Variants in CPNE2 observed in about 807,000 individuals in gnomAD.
CPNE2 encodes copine-2.
Under a neutral mutation model 69.7 loss-of-function variants are expected in CPNE2, and 42 were observed. The ratio of observed to expected loss-of-function variants is 0.60; its 90% CI spans 0.47 to 0.78. The LOEUF (loss-of-function observed/expected upper bound fraction) is 0.78. CPNE2 is among the 30% of genes least tolerant of loss of function. CPNE2 has a pLI of 0.00. For synonymous variants in CPNE2, 294 were observed against 289.8 expected, an observed-to-expected ratio of 1.01 and a Z score of -0.15; for missense variants, 587 against 732.0, an observed-to-expected ratio of 0.80 and a Z score of 2.29.
intron 1 of CPNE2, among the ~76,000 whole-genome samples, chr16:57,093,132 C>G (rs920635639): frequency 2.4e-4 from 36 of 152,072 alleles, no homozygotes; most frequent in African/African-American, 6.0e-4. Flanking sequence ...GGTGGAGACC[C>G]GCCGCTGCCG....
intron 4 of CPNE2, among the ~76,000 whole-genome samples, chr16:57,116,330 C>T (rs571915477): frequency 7.2e-5 from 11 of 152,240 alleles, no homozygotes; most frequent in African/African-American, 2.2e-4. Flanking sequence ...TCTGTTCCTG[C>T]CCCCACGGAT....
chr16:57,137,116 A>G (rs1199589597), intron 13 of CPNE2, 33 bp from the exon 14 acceptor site: 1 of 1,609,562 alleles, frequency 6.2e-7, no homozygotes, highest in African/African-American at 1.3e-5. Context: ...GGTCAGGGAG[A>G]CCTGGCTGAT....
At chr16:57,099,463 A>C (rs1303799125) in intron 1 of CPNE2, among the ~76,000 whole-genome samples, 1 of 150,268 alleles carries the variant, frequency 6.7e-6, no homozygotes, top group Non-Finnish European at 1.5e-5. Context: ...TTGGGCACTA[A>C]TGTTTCTCCT....
intron 12 of CPNE2, chr16:57,128,999 G>A (rs575057816): frequency 6.6e-6 from 1 of 152,484 alleles, no homozygotes; most frequent in Admixed American, 6.5e-5. Flanking sequence ...CCAGCTTGGG[G>A]CCATCAGGCT....
At chr16:57,124,357 C>T (rs751742438) in intron 10 of CPNE2, 1 of 456,296 alleles carries the variant, frequency 2.2e-6, no homozygotes, top group South Asian at 1.5e-5. Flanking sequence ...GCTAGGATTA[C>T]AGGCATGAGT....
At position 57,123,462 on chromosome 16, in the gene CPNE2, C is replaced by T. The variant is rs1408625723; in HGVS notation, c.916C>T (p.Leu306Phe). Residue 306 changes from leucine (L) to phenylalanine (F), a missense_variant, in exon 10 of 16, where the codon CTC (leucine) becomes TTC (phenylalanine). Transcript: ENST00000290776. ...FLDYILGGCQ[L>F]MFTVGIDFTA... ...TGACTACATCCTGGGAGGCTGCCAGCTCATGTTCACCGTAAGGCTCTCCCC... is the reference window on the plus strand; with the variant it reads ...TGACTACATCCTGGGAGGCTGCCAGTTCATGTTCACCGTAAGGCTCTCCCC... 6.2e-7 allele frequency: 1 copy of T among 1,613,330 alleles called. No individual in the cohort carries two copies.
intron 3 of CPNE2, among the ~76,000 whole-genome samples, chr16:57,113,682 C>A (rs2069696955): frequency 1.3e-5 from 2 of 152,234 alleles, no homozygotes; most frequent in African/African-American, 4.8e-5. Flanking sequence ...GGATCTGGGG[C>A]CCCAGGTGGC....
At position 57,119,293 on chromosome 16, in the gene CPNE2, G is replaced by A. The variant is rs747415369; in HGVS notation, c.591+15G>A. 1.2e-6 allele frequency: 2 copies of A among 1,612,806 alleles called. No homozygotes were observed. The highest frequency in any genetic ancestry group is 1.7e-6 in the Non-Finnish European group (2 of 1,178,976). Reference sequence around the variant, plus strand: ...ACAGGACTGAGGTGGGTACGTGGGGGCCCAGGGATCTCTAAGCAGTGGGCC... The same window carrying A: ...ACAGGACTGAGGTGGGTACGTGGGGACCCAGGGATCTCTAAGCAGTGGGCC... On this transcript the variant is annotated intron_variant, in intron 6 of 15. Transcript: ENST00000290776.
chr16:57,094,144 G>T, intron 1 of CPNE2: 1 of 453,504 alleles, frequency 2.2e-6, no homozygotes, highest in Non-Finnish European at 4.4e-6. Context: ...CACCCAGGCA[G>T]GTTTCTCCAT....
At chr16:57,107,700 T>C (rs1275929414) in intron 1 of CPNE2, among the ~76,000 whole-genome samples, 3 of 152,122 alleles carry the variant, frequency 2.0e-5, no homozygotes, top group African/African-American at 7.2e-5. Flanking sequence ...GCAAATCAGA[T>C]AATGTCAGTT....
chr16:57,135,588 G>T (rs948392341), intron 13 of CPNE2, among the ~76,000 whole-genome samples: 10 of 151,810 alleles, frequency 6.6e-5, no homozygotes, highest in Admixed American at 6.6e-4. Context: ...GAAAGAAAGA[G>T]AGATGGGGAG....
chr16:57,096,823 G>T (rs1381016276), intron 1 of CPNE2, among the ~76,000 whole-genome samples: 7 of 152,174 alleles, frequency 4.6e-5, no homozygotes, highest in Admixed American at 4.6e-4. Flanking sequence ...GGCACATCAG[G>T]CAGGCCAGAT....
chr16:57,145,823 G>A (rs993676648), intron 14 of CPNE2: 1 of 508,670 alleles, frequency 2.0e-6, no homozygotes, highest in African/African-American at 1.9e-5. Flanking sequence ...CCCCAAGGGG[G>A]AGTCTAAGAT....
intron 14 of CPNE2, chr16:57,142,687 C>G (rs1230489115): frequency 6.6e-6 from 1 of 152,164 alleles, no homozygotes; most frequent in Non-Finnish European, 1.5e-5. Context: ...ACCCAGGTGT[C>G]TGGTGTCCCA....
At position 57,146,160 on chromosome 16, in the gene CPNE2, GCTTCCAAGCTGCCCATGTCCAT is replaced by G; in HGVS notation, c.1380_1401del (p.Lys462SerfsTer195). ...GGAGACACGGCATGCCGTGGTGCAG[GCTTCCAAGCTGCCCATGTCCAT>G]CATCATCGTGGGCGTGGGCAATGCG... On this transcript the variant is annotated frameshift_variant, in exon 15 of 16. Coordinates refer to ENST00000290776, the MANE Select transcript of CPNE2 (RefSeq NM_152727.6). LOFTEE classifies it high-confidence loss of function. The surrounding 1 kb of genome is among the most constrained non-coding windows in gnomAD (Gnocchi z 4.4). 6.3e-7 allele frequency: 1 copy of G among 1,586,326 alleles called. No homozygotes were observed.
At chr16:57,114,934 C>CAAAAAAAAAAAA (rs55845635) in intron 3 of CPNE2, among the ~76,000 whole-genome samples, 1 of 39,070 alleles carries the variant, frequency 2.6e-5, no homozygotes, top group Admixed American at 3.4e-4. Flanking sequence ...TTGTCTCTAC[C>CAAAAAAAAAAAA]AAAAAAAAAA....
At chr16:57,137,390 T>G in intron 14 of CPNE2, 108 bp downstream of exon 14, 2 of 1,386,840 alleles carry the variant, frequency 1.4e-6, no homozygotes, top group South Asian at 2.7e-5. Context: ...TGGACACCTC[T>G]GGGCCTTGCT....
intron 3 of CPNE2, 113 bp downstream of exon 3, chr16:57,113,580 G>A (rs578161431): frequency 4.3e-5 from 48 of 1,115,742 alleles, no homozygotes; most frequent in Middle Eastern, 4.9e-4. Context: ...GGGTCCCAAA[G>A]TGCAGATGCA....
At position 57,117,488 on chromosome 16, in the gene CPNE2, C is replaced by A. The variant is rs370063749; in HGVS notation, c.436-8C>A. ...GTCTGAGGAGCCCCTCATGTCCCGGCCTTACAGATCGCTGCCCAGGAGCTG... is the reference window on the plus strand; with the variant it reads ...GTCTGAGGAGCCCCTCATGTCCCGGACTTACAGATCGCTGCCCAGGAGCTG... On this transcript the variant is annotated splice_polypyrimidine_tract_variant and splice_region_variant and intron_variant, in intron 4 of 15. Coordinates refer to ENST00000290776, the MANE Select transcript of CPNE2 (RefSeq NM_152727.6). The A allele has an allele frequency of 3.1e-6, 5 of 1,612,650 alleles. No homozygotes were observed. The highest frequency in any genetic ancestry group is 4.2e-6 in the Non-Finnish European group (5 of 1,179,506).
Sources: allele counts gnomAD v4.1 joint callset (sites outside exome capture counted in the v4.1 genomes callset), GRCh38; gene constraint gnomAD v4.1.1; non-coding constraint Gnocchi (gnomAD v3.1); transcripts MANE v1.5; gene names NCBI Gene and HGNC (gene_info 2026-07-23, HGNC 2026-07-21).